The following C3orf22 variants were observed in gnomAD, a reference collection of about 807,000 sequenced individuals.
C3orf22 encodes uncharacterized protein C3orf22.
In C3orf22, 7 loss-of-function variants were observed where a neutral mutation model predicts 10.8. That is an observed-to-expected ratio of 0.65 (90% CI 0.37 to 1.22). The LOEUF is 1.22. C3orf22 is among the 50% of genes most tolerant of loss of function. The pLI is 0.02. For missense variants in C3orf22, 173 were observed against 177.0 expected, an observed-to-expected ratio of 0.98 and a Z score of 0.13; for synonymous variants, 79 against 78.9, an observed-to-expected ratio of 1.00 and a Z score of 0.00.
At chr3:126,553,469 G>C in intron 1 of C3orf22, 39 bp from the exon 2 acceptor site, 1 of 1,257,184 alleles carries the variant, frequency 8.0e-7, no homozygotes, top group Non-Finnish European at 1.2e-6. Flanking sequence ...GGCAGGGGTG[G>C]TGGGGGGCAG....
At chr3:126,530,153 G>A (rs1490305713) in intron 4 of C3orf22, among the ~76,000 whole-genome samples, 3 of 152,214 alleles carry the variant, frequency 2.0e-5, no homozygotes, top group Non-Finnish European at 4.4e-5. Flanking sequence ...ATGGCAGCCT[G>A]CCCGTCTGCA....
At chr3:126,533,249 A>T (rs1936695379) in intron 4 of C3orf22, among the ~76,000 whole-genome samples, 1 of 152,186 alleles carries the variant, frequency 6.6e-6, no homozygotes, top group Admixed American at 6.5e-5. Flanking sequence ...ATTACCCTGG[A>T]TAAAACCTCC....
At chr3:126,553,452 C>T in intron 1 of C3orf22, 22 bp from the exon 2 acceptor site, 1 of 1,357,590 alleles carries the variant, frequency 7.4e-7, no homozygotes, top group Non-Finnish European at 1.0e-6. Flanking sequence ...GAGGAGGCGT[C>T]AGAGGGGGCA....
chr3:126,534,676 C>T (rs1354868275), intron 4 of C3orf22, among the ~76,000 whole-genome samples: 1 of 148,084 alleles, frequency 6.8e-6, no homozygotes, highest in Non-Finnish European at 1.5e-5. Context: ...CTGTCCTCAG[C>T]CGGGAGACAG....
In C3orf22 at chr3:126,549,932, CG is replaced by C; in HGVS notation, c.361del (p.Arg121GlyfsTer43). On this transcript the variant is annotated frameshift_variant, in exon 4 of 4. Transcript: ENST00000318225. LOFTEE classifies it low-confidence loss of function (END_TRUNC). ...PRQLAFLLST[R>X]HTEAACPQTS... ...CTGGGGGCAGGCAGCCTCAGTGTGC[CG>C]GGTGGACAGCAGGAAGGCGAGTTGT... The C allele has an allele frequency of 6.2e-7, 1 of 1,614,094 alleles. No homozygotes were observed. The highest frequency in any genetic ancestry group is 8.5e-7 in the Non-Finnish European group (1 of 1,180,024).
chr3:126,530,211 G>A (rs529346785), intron 4 of C3orf22, among the ~76,000 whole-genome samples: 1 of 152,362 alleles, frequency 6.6e-6, no homozygotes, highest in Non-Finnish European at 1.5e-5. Context: ...GGGGCTGGAT[G>A]GAGGCGGCCC....
Position 126,549,699 on chromosome 3 carries a change from G to C in C3orf22, c.*169C>G. ...GATCATTCCAGCTGGAAGTGGGGTG[G>C]GAACTCGCAGTTTATTAGCTTGGTG... On this transcript the variant is annotated 3_prime_UTR_variant, in exon 4 of 4. Coordinates refer to ENST00000318225, the MANE Select transcript of C3orf22 (RefSeq NM_152533.3). The C allele has an allele frequency of 2.6e-6, 4 of 1,525,268 alleles. No homozygotes were observed. The highest frequency in any genetic ancestry group is 8.8e-7 in the Non-Finnish European group (1 of 1,140,332). 94.5% of individuals were successfully genotyped at this position (1,525,268 alleles called of 1,614,324 possible). A position where few individuals can be genotyped will look rare whatever the true frequency, so the allele number is the denominator to read the frequency against.
At chr3:126,557,462 C>G (rs190470297) in intron 1 of C3orf22, among the ~76,000 whole-genome samples, 1 of 152,164 alleles carries the variant, frequency 6.6e-6, no homozygotes, top group Non-Finnish European at 1.5e-5. Flanking sequence ...CAAGACTGCT[C>G]GGCAGTGATC....
intron 4 of C3orf22, among the ~76,000 whole-genome samples, chr3:126,529,975 G>C (rs563318380): frequency 6.6e-6 from 1 of 152,332 alleles, no homozygotes; most frequent in Non-Finnish European, 1.5e-5. Context: ...GTGGAGGGAC[G>C]GGGGTACAGA....
chr3:126,549,509 A>G (rs968034602), downstream of C3orf22: 6 of 584,586 alleles, frequency 1.0e-5, no homozygotes, highest in African/African-American at 7.6e-5. Flanking sequence ...TGTTTCCAGC[A>G]GCACTGGAGT....
chr3:126,529,130 ACCCTGCACAGGGCGCGAG>A (rs147129828), intron 5 of C3orf22: 41,290 of 431,780 alleles, frequency 0.096, 2,132 homozygotes, highest in African/African-American at 0.15. Context: ...CTGTGCCCTC[ACCCTGCACAGGGCGCGAG>A]CCCTGCTTTG....
downstream of C3orf22, among the ~76,000 whole-genome samples, chr3:126,548,803 G>A (rs931808778): frequency 2.6e-5 from 4 of 152,152 alleles, no homozygotes; most frequent in African/African-American, 9.7e-5. Flanking sequence ...CAGGGCCTGG[G>A]AAGCCAACCC....
chr3:126,537,003 C>A (rs1333907560), intron 4 of C3orf22, among the ~76,000 whole-genome samples: 1 of 152,104 alleles, frequency 6.6e-6, no homozygotes, highest in Admixed American at 6.6e-5. Flanking sequence ...ATGCTGAGAT[C>A]CAGCAGCAAG....
At chr3:126,545,799 T>TCAA (rs1937057711), downstream of C3orf22, among the ~76,000 whole-genome samples, 3 of 152,290 alleles carry the variant, frequency 2.0e-5, no homozygotes, top group Non-Finnish European at 4.4e-5. Context: ...AAAGGCTTGA[T>TCAA]GACAGTCGTT....
chr3:126,533,146 C>A (rs1424378914), intron 4 of C3orf22, among the ~76,000 whole-genome samples: 3 of 151,824 alleles, frequency 2.0e-5, no homozygotes, highest in Admixed American at 6.6e-5. Context: ...TTAGGGTTTT[C>A]TATATATATA....
At chr3:126,558,159 T>A (rs1324310284) in intron 1 of C3orf22, among the ~76,000 whole-genome samples, 1 of 152,180 alleles carries the variant, frequency 6.6e-6, no homozygotes, top group Non-Finnish European at 1.5e-5. Flanking sequence ...ATGCATAACC[T>A]CACTTCATTT....
chr3:126,552,178 ACT>A, intron 2 of C3orf22, 56 bp from the exon 3 acceptor site: 2 of 1,608,404 alleles, frequency 1.2e-6, no homozygotes, highest in Non-Finnish European at 1.7e-6. Flanking sequence ...TCCTGAAGTA[ACT>A]CTCACTCATC....
chr3:126,534,752 GAGAC>G (rs1397145885), intron 4 of C3orf22, among the ~76,000 whole-genome samples: 4 of 132,870 alleles, frequency 3.0e-5, no homozygotes, highest in East Asian at 4.7e-4. Flanking sequence ...CCCCACCCAG[GAGAC>G]AGACAGACAG....
chr3:126,558,713 T>A lies in C3orf22; in HGVS notation c.-127A>T, dbSNP rs1183905776. The A allele has an allele frequency of 1.3e-5, 2 of 152,372 alleles. No individual in the cohort carries two copies. Among genetic ancestry groups the A allele is most frequent in the Non-Finnish European group, 1.5e-5 (1 of 68,170 alleles). The allele number at this position is 152,372 out of a possible 1,614,324, so 9.4% of individuals were successfully genotyped here. ...CTGCTCCTATCCAGCAAGATGCTGGTGTGAGAGCCGCTGTGGCCCCCGAGG... is the reference window on the plus strand; with the variant it reads ...CTGCTCCTATCCAGCAAGATGCTGGAGTGAGAGCCGCTGTGGCCCCCGAGG... On this transcript the variant is annotated 5_prime_UTR_variant, in exon 1 of 4. Coordinates refer to ENST00000318225, the MANE Select transcript of C3orf22 (RefSeq NM_152533.3).
Sources: allele counts gnomAD v4.1 joint callset (sites outside exome capture counted in the v4.1 genomes callset), GRCh38; gene constraint gnomAD v4.1.1; transcripts MANE v1.5; gene names NCBI Gene and HGNC (gene_info 2026-07-23, HGNC 2026-07-21).